The following WDR90 variants were observed in gnomAD, a reference collection of about 807,000 sequenced individuals.
The protein encoded by WDR90 is WD repeat-containing protein 90.
In WDR90, 238 loss-of-function variants were observed where a neutral mutation model predicts 195.2. That is an observed-to-expected ratio of 1.22 (90% CI 1.10 to 1.36). The LOEUF is 1.36. WDR90 is among the 40% of genes most tolerant of loss of function. The pLI, the probability that WDR90 is intolerant of heterozygous loss-of-function variation, is 0.00. For missense variants in WDR90, 2,734 were observed against 2,439.5 expected (o/e 1.12, Z -2.54); for synonymous variants, 1,265 against 1,052.4 (o/e 1.20, Z -3.91).
At position 650,663 on chromosome 16, in the gene WDR90, C is replaced by T; in HGVS notation, c.513C>T (p.Ser171=). The T allele has an allele frequency of 1.9e-6, 3 of 1,612,614 alleles. No homozygotes were observed. Among genetic ancestry groups the T allele is most frequent in the Non-Finnish European group, 2.5e-6 (3 of 1,179,790 alleles). Residue 171 remains serine, a synonymous_variant, in exon 5 of 41, where the codon AGC becomes AGT. Coordinates refer to ENST00000293879, the MANE Select transcript of WDR90 (RefSeq NM_145294.5). ...TCAAGAGCATCAGGCTGTGCGCCAG[C>T]CTGCTGGTCAGGAACCTGTACACCA... is the stretch of plus-strand genomic sequence containing the variant. ...GHLKSIRLCA[S]LLVRNLYTSD... is the part of the protein sequence containing the mutation.
At position 661,618 on chromosome 16, in the gene WDR90, TC is replaced by T. The variant is rs1170339967; in HGVS notation, c.3696del (p.Ala1233ProfsTer71). On this transcript the variant is annotated frameshift_variant, in exon 31 of 41. Transcript: ENST00000293879. LOFTEE classifies it high-confidence loss of function. ...CCAGGGGACCACGATGGCCGCACCC[TC>T]GCCCTGTGGGGCACGGCCACCTATG... ...VTLGDHDGRT[L>X]ALWGTATYDL... The T allele has an allele frequency of 6.3e-7, 1 of 1,598,040 alleles. No homozygotes were observed. The highest frequency in any genetic ancestry group is 2.2e-5 in the East Asian group (1 of 44,726).
In WDR90 at chr16:666,115, T is replaced by A. The variant is rs2038022514; in HGVS notation, c.4600T>A (p.Ser1534Thr). The change falls in exon 36 of 41, where the codon TCC becomes ACC. Residue 1534 changes from serine to threonine, a missense_variant. Transcript: ENST00000293879. ...GGTGGCGCTGACCACTGTTGCCTTC[T>A]CCACCGATGGTGAGGAGTTGGGTGT... The part of the protein sequence containing the change: ...HPVALTTVAF[S>T]TDGQTVLSGD... 4 of 1,609,798 alleles carry A rather than the reference T, an allele frequency of 2.5e-6. No homozygotes were observed. The East Asian group carries it at 8.9e-5, about 36-fold the overall frequency.
intron 18 of WDR90, 85 bp downstream of exon 18, chr16:656,622 A>T (rs1344212351): frequency 6.4e-7 from 1 of 1,574,490 alleles, no homozygotes; most frequent in East Asian, 2.3e-5. Context: ...AGGGGCCTAT[A>T]GGGACCTGGA....
Position 655,860 on chromosome 16 carries a change from T to C in WDR90, c.1937T>C (p.Leu646Pro), listed in dbSNP as rs2037740827. Residue 646 changes from leucine to proline, a missense_variant, in exon 17 of 41, where the codon CTG becomes CCG. Coordinates refer to ENST00000293879, the MANE Select transcript of WDR90 (RefSeq NM_145294.5). Reference protein sequence around the residue: ...SEDGFLRLWPLDFSSVLLEAE... With the variant: ...SEDGFLRLWPPDFSSVLLEAE... ...GACGGCTTCTTGCGGCTCTGGCCCC[T>C]GGACTTCTCCTCGGTGCTCCTGGAG... 3 of 1,598,932 alleles carry C rather than the reference T, an allele frequency of 1.9e-6. No homozygotes were observed. Among genetic ancestry groups the C allele is most frequent in the East Asian group, 2.3e-5 (1 of 44,294 alleles).
At chr16:654,990 C>T (rs2037718815) in intron 13 of WDR90, 39 bp from the exon 14 acceptor site, 1 of 1,593,988 alleles carries the variant, frequency 6.3e-7, no homozygotes, top group Non-Finnish European at 8.6e-7. Flanking sequence ...GTGGCCCCGA[C>T]TGGCCCTGCC....
intron 7 of WDR90, 119 bp from the exon 8 acceptor site, chr16:651,525 G>T: frequency 9.2e-7 from 1 of 1,089,066 alleles, no homozygotes; most frequent in Non-Finnish European, 1.3e-6. Context: ...GATACTGGCT[G>T]TGGGTCCTGC....
chr16:662,570 G>C (rs1005283431), intron 33 of WDR90, 109 bp from the exon 34 acceptor site: 1 of 1,435,324 alleles, frequency 7.0e-7, no homozygotes, highest in South Asian at 1.4e-5. Context: ...GGCACAGCCA[G>C]GTCCTGAGAT....
At chr16:655,001 G>C (rs376813095) in intron 13 of WDR90, 28 bp from the exon 14 acceptor site, 3 of 1,606,204 alleles carry the variant, frequency 1.9e-6, no homozygotes, top group South Asian at 2.2e-5. Context: ...TGGCCCTGCC[G>C]TGCGGGCTCA....
At chr16:656,560 C>T (rs202129482) in intron 18 of WDR90, 23 bp downstream of exon 18, 168 of 1,562,100 alleles carry the variant, frequency 1.1e-4, no homozygotes, top group Middle Eastern at 1.7e-4. Flanking sequence ...AGGGGCAGCA[C>T]GGCAGGGAGG....
In WDR90 at chr16:659,312, C is replaced by A; in HGVS notation, c.3120C>A (p.Pro1040=). ...RASELPRQQV[P]KPCQASPPRL... is the part of the protein sequence containing the mutation. ...GCGAGCTCCCCCGGCAGCAGGTCCC[C>A]AAGCCATGTCAGGCATCTCCACCAC... The change falls in exon 26 of 41, where the codon CCC becomes CCA. Residue 1040 remains proline, a synonymous_variant. Coordinates refer to ENST00000293879, the MANE Select transcript of WDR90 (RefSeq NM_145294.5). 3 of 1,599,052 alleles carry A rather than the reference C, an allele frequency of 1.9e-6. No individual in the cohort carries two copies. The highest frequency in any genetic ancestry group is 2.3e-5 in the East Asian group (1 of 44,054).
rs1373802171 is a variant in WDR90, at chr16:650,994, G to A, written c.560-1G>A. 1 of 1,613,020 alleles carries A rather than the reference G, an allele frequency of 6.2e-7. No individual in the cohort carries two copies. The highest frequency in any genetic ancestry group is 8.5e-7 in the Non-Finnish European group (1 of 1,179,946). ...ACCTGGAACAACCCTGCTCCTTGTA[G>A]CCATCTCTGGGGCCCAGTGGGCAAA... is the stretch of plus-strand genomic sequence containing the variant. On this transcript the variant is annotated splice_acceptor_variant, in intron 5 of 40. Transcript: ENST00000293879. LOFTEE classifies it high-confidence loss of function.
chr16:660,971 CT>C, intron 28 of WDR90, 79 bp from the exon 29 acceptor site: 1 of 426,476 alleles, frequency 2.3e-6, no homozygotes, highest in Non-Finnish European at 3.5e-6. Flanking sequence ...GCCCCGCCCC[CT>C]GTTCGGCCCC....
At chr16:656,636 T>C (rs2037761379) in intron 18 of WDR90, 96 bp from the exon 19 acceptor site, 16 of 1,569,992 alleles carry the variant, frequency 1.0e-5, no homozygotes, top group South Asian at 2.3e-5. Flanking sequence ...ACCTGGACTT[T>C]CCAGCCTGTG....
rs372301599 is a variant in WDR90 at position 662,049 on chromosome 16, C to T, written c.4023C>T (p.Asp1341=). 164 of 1,601,290 alleles carry T rather than the reference C, an allele frequency of 1.0e-4. No homozygotes were observed. The highest frequency in any genetic ancestry group is 1.8e-4 in the Admixed American group (11 of 59,956). Residue 1341 remains aspartate (D), a synonymous_variant, in exon 32 of 41, where the codon GAC becomes GAT. Transcript: ENST00000293879. ...GRCFLSWEAD[D]GGIGLLLFSG... ...GCTTCTTGTCCTGGGAGGCGGATGA[C>T]GGTGGCATTGGTGAGTGCCCCGCAG...
chr16:660,084 G>A lies in WDR90; in HGVS notation c.3211G>A (p.Ala1071Thr), dbSNP rs2037863191. Residue 1071 changes from alanine to threonine, a missense_variant, in exon 27 of 41, where the codon GCC becomes ACC. Ala to Thr is a moderately conservative substitution (Grantham distance 58). Transcript: ENST00000293879. ...DGARDTRNSG[A>T]PRTTYLASCK... ...CGCCAGGGACACCAGGAATTCGGGG[G>A]CCCCACGCACCACCTACCTGGCTTC... is the stretch of plus-strand genomic sequence containing the variant. 4 of 1,546,814 alleles carry A rather than the reference G, an allele frequency of 2.6e-6. No homozygotes were observed. Among genetic ancestry groups the A allele is most frequent in the Non-Finnish European group, 2.6e-6 (3 of 1,147,034 alleles).
At chr16:666,873 C>A in intron 39 of WDR90, 32 bp from the exon 40 acceptor site, 1 of 1,613,024 alleles carries the variant, frequency 6.2e-7, no homozygotes, top group African/African-American at 1.3e-5. Flanking sequence ...CCTGAGCCCA[C>A]AGGCCTGGAG....
intron 28 of WDR90, 128 bp downstream of exon 28, chr16:660,842 C>T (rs566582202): frequency 1.8e-5 from 20 of 1,133,350 alleles, no homozygotes; most frequent in African/African-American, 1.3e-4. Context: ...TCTGTTCTCC[C>T]GGTAGCGCCT....
At position 656,340 on chromosome 16, in the gene WDR90, G is replaced by A. The variant is rs900574481; in HGVS notation, c.2005G>A (p.Asp669Asn). Residue 669 changes from aspartate to asparagine, a missense_variant, in exon 18 of 41, where the codon GAT becomes AAT. Coordinates refer to ENST00000293879, the MANE Select transcript of WDR90 (RefSeq NM_145294.5). Reference protein sequence around the residue: ...GPVSSVCVSPDGLRVLSATSS... With the variant: ...GPVSSVCVSPNGLRVLSATSS... ...CGTCAGCTCAGTCTGTGTCAGCCCC[G>A]ATGGCCTCCGTGTGCTGTCTGCCAC... 1.1e-5 allele frequency: 15 copies of A among 1,420,294 alleles called. No homozygotes were observed. Among genetic ancestry groups the A allele is most frequent in the African/African-American group, 5.8e-5 (4 of 68,692 alleles). 88.0% of individuals were successfully genotyped at this position (1,420,294 alleles called of 1,614,324 possible). A position where few individuals can be genotyped will look rare whatever the true frequency, so the allele number is the denominator to read the frequency against.
chr16:661,059 G>A lies in WDR90; in HGVS notation c.3400G>A (p.Ala1134Thr), dbSNP rs1049128523. ...GCCCTCTCTGCGCACAGGCTTCTTT[G>A]CCTACACGTGCGGCCGCCTGGTGGT... is the stretch of plus-strand genomic sequence containing the variant. ...MVWRPDTGFFAYTCGRLVVVE... is the reference protein window; with the variant it reads ...MVWRPDTGFFTYTCGRLVVVE... The change falls in exon 29 of 41, where the codon GCC becomes ACC. Residue 1134 changes from alanine to threonine, a missense_variant. Ala to Thr is a moderately conservative substitution (Grantham distance 58). Transcript: ENST00000293879. The A allele has an allele frequency of 5.1e-6, 7 of 1,363,874 alleles. No homozygotes were observed. The Admixed American group carries it at 1.3e-4, about 26-fold the overall frequency. 84.5% of individuals were successfully genotyped at this position (1,363,874 alleles called of 1,614,324 possible). A position where few individuals can be genotyped will look rare whatever the true frequency, so the allele number is the denominator to read the frequency against.
Sources: gnomAD v4.1 joint callset for allele counts on GRCh38, gnomAD v4.1.1 for gene constraint, MANE v1.5 for transcripts, NCBI Gene and HGNC (gene_info 2026-07-23, HGNC 2026-07-21) for gene names.